Variants in OPN5 observed in about 807,000 individuals in gnomAD.
OPN5 encodes opsin 5, also known as opsin-5.
OPN5 carries 18 observed loss-of-function variants against 41.7 expected under a neutral mutation model. The observed-to-expected ratio is 0.43, with a 90% CI of 0.30 to 0.64. The LOEUF is 0.64. Among genes scored for constraint, OPN5 ranks in the 30% least tolerant of loss-of-function variants. The pLI, the probability that OPN5 is intolerant of heterozygous loss-of-function variation, is 0.13. For synonymous variants in OPN5, 178 were observed against 164.3 expected, an observed-to-expected ratio of 1.08 and a Z score of -0.64; for missense variants, 318 against 434.5, an observed-to-expected ratio of 0.73 and a Z score of 2.38.
exon 7 of OPN5, chr6:47,824,409 A>T (rs1762731591): frequency 9.3e-6 from 2 of 215,792 alleles, no homozygotes; most frequent in Non-Finnish European, 1.9e-5. Context: ...TCTATTGCAG[A>T]TGATGTACTG....
intron 4 of OPN5, 123 bp from the exon 5 acceptor site, chr6:47,808,031 G>T: frequency 2.2e-6 from 2 of 897,908 alleles, no homozygotes; most frequent in Non-Finnish European, 3.5e-6. Context: ...CAAAGTAAAT[G>T]AAAACAATGA....
chr6:47,821,610 A>C (rs1762625363), intron 6 of OPN5, among the ~76,000 whole-genome samples: 1 of 152,234 alleles, frequency 6.6e-6, no homozygotes, highest in Non-Finnish European at 1.5e-5. Flanking sequence ...ATATGTGAGC[A>C]ATTTTAGTAT....
chr6:47,816,214 G>A (rs977615084), intron 6 of OPN5, among the ~76,000 whole-genome samples: 1 of 152,160 alleles, frequency 6.6e-6, no homozygotes, highest in Non-Finnish European at 1.5e-5. Context: ...TGGGGAGGAT[G>A]TGTTTTTAGT....
intron 6 of OPN5, among the ~76,000 whole-genome samples, chr6:47,817,291 A>G (rs1762458810): frequency 6.6e-6 from 1 of 152,148 alleles, no homozygotes; most frequent in African/African-American, 2.4e-5. Flanking sequence ...TTGGGAGCAC[A>G]ACTTCTTACT....
intron 4 of OPN5, among the ~76,000 whole-genome samples, chr6:47,800,963 C>T (rs1773748093): frequency 1.3e-5 from 2 of 152,184 alleles, no homozygotes; most frequent in Non-Finnish European, 2.9e-5. Flanking sequence ...TCCAGGTCTA[C>T]AGTTATGATA....
chr6:47,809,398 A>T (rs541421321), intron 5 of OPN5, among the ~76,000 whole-genome samples: 1 of 152,330 alleles, frequency 6.6e-6, no homozygotes, highest in African/African-American at 2.4e-5. Context: ...AGCAAGTGAC[A>T]AATATTTTGG....
intron 1 of OPN5, among the ~76,000 whole-genome samples, chr6:47,784,051 A>T (rs1315730137): frequency 6.6e-6 from 1 of 152,128 alleles, no homozygotes; most frequent in Non-Finnish European, 1.5e-5. Flanking sequence ...AAAGTCCACA[A>T]TCATATTCCA....
At chr6:47,790,447 A>G (rs1773335038) in intron 2 of OPN5, among the ~76,000 whole-genome samples, 1 of 151,976 alleles carries the variant, frequency 6.6e-6, no homozygotes, top group Non-Finnish European at 1.5e-5. Flanking sequence ...AGCTCCATGA[A>G]TCCTCTCTGG....
In OPN5 at chr6:47,806,683, T is replaced by C. The variant is rs576548230; in HGVS notation, c.757-1471T>C. Reference sequence around the variant, plus strand: ...AATACAGAATTAAGTGCAAGCTCAATAATGCCATACAAAACCCTGAATCTT... The same window carrying C: ...AATACAGAATTAAGTGCAAGCTCAACAATGCCATACAAAACCCTGAATCTT... On this transcript the variant is annotated intron_variant, in intron 4 of 6. Transcript: ENST00000371211. Among the ~76,000 whole-genome samples, 80 of 152,344 alleles carry C rather than the reference T, an allele frequency of 5.3e-4. 1 individual carries two copies. In the South Asian group the frequency reaches 0.016, roughly 30 times the overall value.
chr6:47,785,875 T>C (rs1377057633), intron 1 of OPN5, among the ~76,000 whole-genome samples: 1 of 152,222 alleles, frequency 6.6e-6, no homozygotes, highest in African/African-American at 2.4e-5. Flanking sequence ...AGGTTCTCGA[T>C]TGTCACCCAC....
intron 6 of OPN5, among the ~76,000 whole-genome samples, chr6:47,812,440 T>C (rs1762274457): frequency 6.6e-6 from 1 of 152,176 alleles, no homozygotes; most frequent in African/African-American, 2.4e-5. Flanking sequence ...TTAGTGAAGA[T>C]AGCTATTCGT....
At chr6:47,795,813 T>C (rs926266966) in intron 4 of OPN5, among the ~76,000 whole-genome samples, 1 of 143,304 alleles carries the variant, frequency 7.0e-6, no homozygotes, top group African/African-American at 2.6e-5. Flanking sequence ...CACACACACA[T>C]TTTCAATATC....
intron 5 of OPN5, 48 bp downstream of exon 5, chr6:47,808,443 A>G (rs757499844): frequency 6.2e-7 from 1 of 1,606,042 alleles, no homozygotes; most frequent in Non-Finnish European, 8.5e-7. Flanking sequence ...TTGTTTCAAA[A>G]TCCGGCAGGG....
At chr6:47,803,937 C>T (rs1196428036) in intron 4 of OPN5, among the ~76,000 whole-genome samples, 2 of 152,206 alleles carry the variant, frequency 1.3e-5, no homozygotes, top group African/African-American at 4.8e-5. Flanking sequence ...AGGAGGGAAA[C>T]TCCTTCTTAG....
chr6:47,816,535 C>T (rs1762433854), intron 6 of OPN5, among the ~76,000 whole-genome samples: 1 of 152,128 alleles, frequency 6.6e-6, no homozygotes, highest in Non-Finnish European at 1.5e-5. Context: ...TTTTCTTCCT[C>T]AGGATATAGC....
At chr6:47,795,778 T>TCACACACA (rs57933636) in intron 4 of OPN5, among the ~76,000 whole-genome samples, 70 of 142,888 alleles carry the variant, frequency 4.9e-4, no homozygotes, top group African/African-American at 1.8e-3. Context: ...TCTCTCTCTC[T>TCACACACA]CACACACACA....
chr6:47,808,222 A>G, exon 5 of OPN5: 3 of 1,613,826 alleles, frequency 1.9e-6, no homozygotes, highest in Non-Finnish European at 2.5e-6. Context: ...CTGTGTGGTC[A>G]GCTTTTGGAA....
At chr6:47,792,675 G>A (rs938076889) in intron 3 of OPN5, among the ~76,000 whole-genome samples, 2 of 152,164 alleles carry the variant, frequency 1.3e-5, no homozygotes, top group Non-Finnish European at 2.9e-5. Flanking sequence ...TGAAAGAATT[G>A]CATTTGGGTC....
chr6:47,786,707 C>T (rs1307909312), intron 2 of OPN5, 73 bp downstream of exon 2: 11 of 1,319,446 alleles, frequency 8.3e-6, no homozygotes, highest in Admixed American at 5.5e-5. Flanking sequence ...CTGTCTCAAA[C>T]GTCACCCCCT....
Sources: allele counts gnomAD v4.1 joint callset (sites outside exome capture counted in the v4.1 genomes callset), GRCh38; gene constraint gnomAD v4.1.1; transcripts MANE v1.5; gene names NCBI Gene and HGNC (gene_info 2026-07-23, HGNC 2026-07-21).